Variants in PATJ observed in about 807,000 individuals in gnomAD.
The protein encoded by PATJ is PATJ crumbs cell polarity complex component, also known as inaD-like protein.
A neutral mutation model predicts 224.9 loss-of-function variants in PATJ; 190 were observed. The observed-to-expected ratio is 0.84, with a 90% CI of 0.75 to 0.95. PATJ has a LOEUF of 0.95. Ranked by LOEUF, PATJ falls within the 40% of genes least tolerant of loss-of-function variation. PATJ has a pLI of 0.00. For missense variants in PATJ, 2,121 were observed against 2,270.3 expected (o/e 0.93, Z 1.34); for synonymous variants, 769 against 820.3 (o/e 0.94, Z 1.07).
At chr1:61,966,190 G>A (rs964455523) in intron 27 of PATJ, among the ~76,000 whole-genome samples, 4 of 151,712 alleles carry the variant, frequency 2.6e-5, no homozygotes, top group South Asian at 2.1e-4. Flanking sequence ...GTGAGCCACC[G>A]CACCTGGTCT....
At chr1:61,782,068 T>C (rs1647462367) in intron 7 of PATJ, among the ~76,000 whole-genome samples, 1 of 151,876 alleles carries the variant, frequency 6.6e-6, no homozygotes, top group Non-Finnish European at 1.5e-5. Context: ...TGCAGAAGAA[T>C]GCAGGTGTTC....
At chr1:62,137,770 C>T (rs896991940) in intron 41 of PATJ, among the ~76,000 whole-genome samples, 3 of 151,984 alleles carry the variant, frequency 2.0e-5, no homozygotes, top group African/African-American at 4.8e-5. Flanking sequence ...GTTCCGTAGG[C>T]GCAGAGGACA....
intron 17 of PATJ, among the ~76,000 whole-genome samples, chr1:61,855,514 C>T (rs546963885): frequency 6.6e-6 from 1 of 152,244 alleles, no homozygotes; most frequent in South Asian, 2.1e-4. Flanking sequence ...AATCCTTCCA[C>T]CTCAGCACCC....
At chr1:61,868,872 G>T (rs1257096337) in intron 20 of PATJ, among the ~76,000 whole-genome samples, 2 of 152,160 alleles carry the variant, frequency 1.3e-5, no homozygotes, top group African/African-American at 2.4e-5. Flanking sequence ...TTTTGTGCCT[G>T]GGAGAGTGCA....
At chr1:61,824,629 T>C (rs1257181691) in intron 15 of PATJ, among the ~76,000 whole-genome samples, 2 of 151,996 alleles carry the variant, frequency 1.3e-5, no homozygotes, top group African/African-American at 4.8e-5. Context: ...CTTGCTATTT[T>C]GCCCATGCTG....
Position 62,052,601 on chromosome 1 carries a change from G to T in PATJ, c.4125+1543G>T, listed in dbSNP as rs532922907. 1.8e-4 allele frequency among the ~76,000 whole-genome samples: 27 copies of T among 152,154 alleles called. No individual in the cohort carries two copies. In the East Asian group the frequency reaches 4.4e-3, roughly 25 times the overall value. On this transcript the variant is annotated intron_variant, in intron 31 of 43. Coordinates refer to ENST00000642238, the MANE Select transcript of PATJ (RefSeq NM_001350145.3). Reference sequence around the variant, plus strand: ...TACTGAAAATACAAAAATTAGCTGGGCGTGGTGGTGCATGACTCTAATCCC... The same window carrying T: ...TACTGAAAATACAAAAATTAGCTGGTCGTGGTGGTGCATGACTCTAATCCC...
chr1:61,883,823 T>C (rs1668429819), intron 21 of PATJ, among the ~76,000 whole-genome samples: 1 of 145,800 alleles, frequency 6.9e-6, no homozygotes, highest in South Asian at 2.2e-4. Flanking sequence ...CTTTTAAAAA[T>C]AGAAGTGATT....
chr1:62,116,791 T>TAAAA, intron 36 of PATJ, 112 bp downstream of exon 36: 7 of 981,698 alleles, frequency 7.1e-6, no homozygotes, highest in Non-Finnish European at 1.0e-5. Flanking sequence ...CTCTAGTTTT[T>TAAAA]ACTAGAAATT....
intron 36 of PATJ, 96 bp downstream of exon 36, chr1:62,116,775 T>C: frequency 1.7e-6 from 2 of 1,169,476 alleles, no homozygotes; most frequent in African/African-American, 1.6e-5. Flanking sequence ...TTGGATTTTA[T>C]ACTAACTCTA....
At chr1:61,814,549 C>CGCGT (rs1553168038) in intron 14 of PATJ, among the ~76,000 whole-genome samples, 2 of 107,714 alleles carry the variant, frequency 1.9e-5, no homozygotes, top group African/African-American at 8.0e-5. Flanking sequence ...TGTGTGTGTG[C>CGCGT]GCGCGCGCGC....
At chr1:62,143,624 A>G (rs117868983) in intron 41 of PATJ, among the ~76,000 whole-genome samples, 2,519 of 151,736 alleles carry the variant, frequency 0.017, 77 homozygotes, top group South Asian at 0.13. Context: ...TAATTTTTGT[A>G]TATTTAGTAG....
chr1:62,133,073 G>A (rs183729893), intron 41 of PATJ, among the ~76,000 whole-genome samples: 8 of 152,196 alleles, frequency 5.3e-5, no homozygotes, highest in African/African-American at 1.2e-4. Flanking sequence ...AGAGTTTGGC[G>A]AGCTAAATTT....
intron 23 of PATJ, among the ~76,000 whole-genome samples, chr1:61,900,426 C>T (rs1209755535): frequency 1.3e-5 from 2 of 152,114 alleles, no homozygotes; most frequent in African/African-American, 4.8e-5. Flanking sequence ...ACAAAACCTT[C>T]TGGCCTTAGG....
chr1:61,912,067 G>A (rs948929554), intron 25 of PATJ, among the ~76,000 whole-genome samples: 3 of 150,594 alleles, frequency 2.0e-5, no homozygotes, highest in East Asian at 2.0e-4. Context: ...TTATCATCAC[G>A]TGTTGCTTTC....
At chr1:61,820,541 C>T (rs1252443608) in intron 14 of PATJ, among the ~76,000 whole-genome samples, 2 of 151,740 alleles carry the variant, frequency 1.3e-5, no homozygotes, top group Non-Finnish European at 2.9e-5. Flanking sequence ...GGGGTTTCTC[C>T]ATGTTGGTCA....
At chr1:62,093,496 T>A (rs1380160230) in intron 33 of PATJ, among the ~76,000 whole-genome samples, 2 of 152,214 alleles carry the variant, frequency 1.3e-5, no homozygotes, top group African/African-American at 2.4e-5. Flanking sequence ...TGGCATGTGA[T>A]CCACCAAAGC....
intron 22 of PATJ, among the ~76,000 whole-genome samples, chr1:61,896,776 C>T (rs890825715): frequency 5.3e-5 from 8 of 152,100 alleles, no homozygotes; most frequent in East Asian, 1.9e-4. Flanking sequence ...GGAGTTCTCA[C>T]GAGATCTGAT....
At chr1:61,911,888 T>C (rs1672708569) in intron 25 of PATJ, among the ~76,000 whole-genome samples, 1 of 149,640 alleles carries the variant, frequency 6.7e-6, no homozygotes, top group African/African-American at 2.4e-5. Flanking sequence ...ACTAGCACAG[T>C]GCCTCTTCAC....
At chr1:62,148,141 A>AAT in intron 41 of PATJ, 143 bp from the exon 42 acceptor site, 2 of 471,912 alleles carry the variant, frequency 4.2e-6, no homozygotes, top group Non-Finnish European at 7.8e-6. Flanking sequence ...AAAAAAAAAA[A>AAT]GTTTGAGAGA....
Sources: allele counts gnomAD v4.1 joint callset (sites outside exome capture counted in the v4.1 genomes callset), GRCh38; gene constraint gnomAD v4.1.1; transcripts MANE v1.5; gene names NCBI Gene and HGNC (gene_info 2026-07-23, HGNC 2026-07-21).